DOCK6: variants seen among roughly 807,000 people sequenced by gnomAD.
DOCK6 encodes dedicator of cytokinesis protein 6.
Under a neutral mutation model 230.3 loss-of-function variants are expected in DOCK6, and 167 were observed. The ratio of observed to expected loss-of-function variants is 0.73; its 90% confidence interval spans 0.64 to 0.82. DOCK6 has a LOEUF of 0.82. Among genes scored for constraint, DOCK6 ranks in the 40% least tolerant of loss-of-function variants. The pLI is 0.00. For synonymous variants in DOCK6, 1,148 were observed against 1,185.0 expected, an observed-to-expected ratio of 0.97 and a Z score of 0.64; for missense variants, 2,598 against 2,825.8, an observed-to-expected ratio of 0.92 and a Z score of 1.83.
At chr19:11,252,725 T>G (rs1165653831) in intron 3 of DOCK6, 58 bp downstream of exon 3, 1 of 1,595,738 alleles carries the variant, frequency 6.3e-7, no homozygotes, top group Non-Finnish European at 8.6e-7. Context: ...GGGCTGTTGA[T>G]GGGGTTGGCA....
In DOCK6 at chr19:11,252,528, C is replaced by T. The variant is rs1555697410; in HGVS notation, c.331G>A (p.Ala111Thr). The T allele has an allele frequency of 6.2e-7, 1 of 1,613,886 alleles. No individual in the cohort carries two copies. Among genetic ancestry groups the T allele is most frequent in the Non-Finnish European group, 8.5e-7 (1 of 1,179,898 alleles). ...KDEKLDAQVR[A>T]AVEMYIEDWV... ...TCCTCAATATACATCTCCACCGCGG[C>T]CCTCACCTGGGCATCCAGTTTTCTG... is the stretch of plus-strand genomic sequence containing the variant. The change falls in exon 4 of 48, where the codon GCC becomes ACC. Residue 111 changes from alanine (A) to threonine (T), a missense_variant. Transcript: ENST00000294618.
chr19:11,251,238 C>G (rs1599285668), intron 5 of DOCK6, 152 bp from the exon 6 acceptor site: 1 of 745,474 alleles, frequency 1.3e-6, no homozygotes, highest in Admixed American at 2.7e-5. Context: ...GGGGTTTTGC[C>G]TACCCTCTTT....
intron 37 of DOCK6, among the ~76,000 whole-genome samples, chr19:11,209,725 T>C (rs1354141878): frequency 1.0e-4 from 5 of 49,374 alleles, no homozygotes; most frequent in East Asian, 6.7e-4. Context: ...TTCACCTGTC[T>C]ATCCCCTCAC....
rs1599230098 is a variant in DOCK6, at chr19:11,222,235, G to A, written c.3254C>T (p.Ser1085Phe). 6.2e-7 allele frequency: 1 copy of A among 1,600,404 alleles called. No individual in the cohort carries two copies. Among genetic ancestry groups the A allele is most frequent in the Non-Finnish European group, 8.5e-7 (1 of 1,173,798 alleles). The change falls in exon 27 of 48, where the codon TCC becomes TTC. Residue 1085 changes from serine to phenylalanine, a missense_variant. Ser to Phe is a radical substitution (Grantham distance 155). Coordinates refer to ENST00000294618, the MANE Select transcript of DOCK6 (RefSeq NM_020812.4). This position sits in a 1 kb window ranked among gnomAD's most constrained non-coding sequence, Gnocchi z 4.0. Reference sequence around the variant, plus strand: ...CACCTTGGGGTCCGGGGCTTGGCTGGAGAAGGTGGAGCTCTGCAGAGTGGG... The same window carrying A: ...CACCTTGGGGTCCGGGGCTTGGCTGAAGAAGGTGGAGCTCTGCAGAGTGGG... The part of the protein sequence containing the change: ...SSTTSQSSTF[S>F]SQAPDPKVTS...
intron 47 of DOCK6, 28 bp from the exon 48 acceptor site, chr19:11,199,567 A>G: frequency 6.4e-7 from 1 of 1,565,282 alleles, no homozygotes; most frequent in Non-Finnish European, 8.7e-7. Flanking sequence ...GTGGGTCAGC[A>G]TGGCCATGGG....
intron 1 of DOCK6, among the ~76,000 whole-genome samples, chr19:11,259,435 GGAGA>G (rs61042742): frequency 0.02 from 2,998 of 148,222 alleles, 100 homozygotes; most frequent in African/African-American, 0.07. Flanking sequence ...CAAGGATGGG[GGAGA>G]GAGAGAGAGA....
At chr19:11,253,899 G>A (rs925535441) in intron 1 of DOCK6, 173 bp from the exon 2 acceptor site, 6 of 532,212 alleles carry the variant, frequency 1.1e-5, no homozygotes, top group South Asian at 2.7e-5. Flanking sequence ...CCCCCAACGC[G>A]TTCCCCATCA....
chr19:11,240,029 A>G (rs920613212), intron 14 of DOCK6: 2 of 1,545,602 alleles, frequency 1.3e-6, no homozygotes, highest in Non-Finnish European at 1.8e-6. Flanking sequence ...CCCAGGACTG[A>G]AGGGATTCCT....
chr19:11,240,012 T>C, intron 14 of DOCK6: 1 of 1,549,072 alleles, frequency 6.5e-7, no homozygotes, highest in Admixed American at 2.0e-5. Context: ...CCAACCATCC[T>C]GGTTTGCCCA....
intron 28 of DOCK6, among the ~76,000 whole-genome samples, chr19:11,219,739 G>A (rs895458164): frequency 6.7e-6 from 1 of 149,932 alleles, no homozygotes; most frequent in East Asian, 2.1e-4. Flanking sequence ...GCAGTGAGCC[G>A]AGATAGCGCC....
intron 35 of DOCK6, among the ~76,000 whole-genome samples, chr19:11,212,407 A>G (rs2079403881): frequency 6.6e-6 from 1 of 151,400 alleles, no homozygotes; most frequent in South Asian, 2.1e-4. Flanking sequence ...ACGCCCTACT[A>G]ATTTTTGTAT....
At chr19:11,248,031 C>T (rs914342275) in intron 7 of DOCK6, 35 bp downstream of exon 7, 11 of 1,578,952 alleles carry the variant, frequency 7.0e-6, no homozygotes, top group African/African-American at 1.3e-5. Context: ...GGTTGCTTCA[C>T]GCATCTAAGA....
intron 2 of DOCK6, among the ~76,000 whole-genome samples, 175 bp downstream of exon 2, chr19:11,253,464 G>A (rs1268910276): frequency 1.3e-5 from 2 of 152,130 alleles, no homozygotes; most frequent in Non-Finnish European, 2.9e-5. Context: ...AGGAATTGGT[G>A]AGACTACTAG....
At chr19:11,210,933 C>CTGTGTCCTCACATGTCCACCCCCTCACT (rs1381282810) in intron 37 of DOCK6, among the ~76,000 whole-genome samples, 4 of 151,638 alleles carry the variant, frequency 2.6e-5, no homozygotes, top group African/African-American at 9.7e-5. Context: ...ATCCTGTCAC[C>CTGTGTCCTCACATGTCCACCCCCTCACT]TGTGTCCTCA....
chr19:11,250,272 A>AAGTGCTGGGATTAT (rs372386315), intron 6 of DOCK6, among the ~76,000 whole-genome samples: 70 of 149,716 alleles, frequency 4.7e-4, no homozygotes, highest in African/African-American at 1.6e-3. Context: ...CAGCCTCCCA[A>AAGTGCTGGGATTAT]AGTGCTGGGA....
intron 21 of DOCK6, among the ~76,000 whole-genome samples, chr19:11,234,185 A>T (rs993541509): frequency 7.9e-5 from 12 of 151,776 alleles, no homozygotes; most frequent in Non-Finnish European, 7.4e-5. Flanking sequence ...TTTTTAGTAG[A>T]AACGGGGTTT....
chr19:11,237,631 G>A lies in DOCK6; in HGVS notation c.1971+10C>T. On this transcript the variant is annotated intron_variant, in intron 17 of 47. Coordinates refer to ENST00000294618, the MANE Select transcript of DOCK6 (RefSeq NM_020812.4). Reference sequence around the variant, plus strand: ...AGGGCTCAGGGGGAGGGAGGGAGGGGACGGCTCACAGTAAAGCCCACGGGT... The same window carrying A: ...AGGGCTCAGGGGGAGGGAGGGAGGGAACGGCTCACAGTAAAGCCCACGGGT... 7.4e-6 allele frequency: 4 copies of A among 541,346 alleles called. No individual in the cohort carries two copies. Among genetic ancestry groups the A allele is most frequent in the Non-Finnish European group, 1.4e-5 (4 of 280,288 alleles). 33.5% of individuals were successfully genotyped at this position (541,346 alleles called of 1,614,324 possible).
Position 11,217,494 on chromosome 19 carries a change from C to T in DOCK6, c.3551-103G>A, listed in dbSNP as rs144854414. 0.019 allele frequency: 27,407 copies of T among 1,436,414 alleles called. 357 individuals are homozygous for T. Among genetic ancestry groups the T allele is most frequent in the Non-Finnish European group, 0.022 (22,921 of 1,056,728 alleles). 89.0% of individuals were successfully genotyped at this position (1,436,414 alleles called of 1,614,324 possible). On this transcript the variant is annotated intron_variant, in intron 28 of 47. Coordinates refer to ENST00000294618, the MANE Select transcript of DOCK6 (RefSeq NM_020812.4). ...CCTCATGGCCAGGCACAGTGGCTCA[C>T]GCCTGTAATACCAGCACTTTGGGAG...
intron 1 of DOCK6, among the ~76,000 whole-genome samples, chr19:11,255,485 T>C (rs2080183636): frequency 1.3e-5 from 2 of 151,918 alleles, no homozygotes; most frequent in South Asian, 4.1e-4. Context: ...GGTTAATCTT[T>C]CTATTTTCAG....
Sources: allele counts gnomAD v4.1 joint callset (sites outside exome capture counted in the v4.1 genomes callset), GRCh38; gene constraint gnomAD v4.1.1; non-coding constraint Gnocchi (gnomAD v3.1); transcripts MANE v1.5; gene names NCBI Gene and HGNC (gene_info 2026-07-23, HGNC 2026-07-21).